The following EPS8 variants were observed in gnomAD, a reference collection of about 807,000 sequenced individuals.
The protein encoded by EPS8 is EGFR pathway substrate 8, signaling adaptor.
A neutral mutation model predicts 103.8 loss-of-function variants in EPS8; 42 were observed. The observed-to-expected ratio is 0.40, with a 90% CI of 0.32 to 0.52. The LOEUF is 0.52. Among genes scored for constraint, EPS8 ranks in the 20% least tolerant of loss-of-function variants. The pLI is 0.40. For missense variants in EPS8, 969 were observed against 1,005.1 expected (o/e 0.96, Z 0.49); for synonymous variants, 344 against 344.6 (o/e 1.00, Z 0.02).
chr12:15,739,608 AC>A lies in EPS8; in HGVS notation c.-22+49552del, dbSNP rs112055560. On this transcript the variant is annotated intron_variant, in intron 1 of 20. Transcript: ENST00000281172. ...GAACTCCAGGGTCTCTGGTTTTTGGACCCTGAGACTCACACCTGCAGCTCCT... is the reference window on the plus strand; with the variant it reads ...GAACTCCAGGGTCTCTGGTTTTTGGACCTGAGACTCACACCTGCAGCTCCT... Among the ~76,000 whole-genome samples the A allele has an allele frequency of 1.7e-3, 259 of 152,024 alleles. 3 individuals carry two copies. Among genetic ancestry groups the A allele is most frequent in the African/African-American group, 4.6e-3 (190 of 41,468 alleles).
Position 15,713,142 on chromosome 12 carries a change from T to C in EPS8, c.-21-30170A>G, listed in dbSNP as rs1946489590. On this transcript the variant is annotated intron_variant, in intron 1 of 20. Transcript: ENST00000281172. This position sits in a 1 kb window ranked among gnomAD's most constrained non-coding sequence, Gnocchi z 4.8. ...TTTAAGTTTTAAATGGTGAAAATAA[T>C]ACTGGCTAGCATTGACTGAAAGCTT... is the stretch of plus-strand genomic sequence containing the variant. 8.0e-6 allele frequency: 2 copies of C among 249,542 alleles called. No individual in the cohort carries two copies. Among genetic ancestry groups the C allele is most frequent in the Admixed American group, 1.3e-4 (2 of 15,374 alleles). 15.5% of individuals were successfully genotyped at this position (249,542 alleles called of 1,614,324 possible). A position where few individuals can be genotyped will look rare whatever the true frequency, so the allele number is the denominator to read the frequency against.
chr12:15,653,507 C>T (rs1255722044), intron 13 of EPS8, among the ~76,000 whole-genome samples: 1 of 152,196 alleles, frequency 6.6e-6, no homozygotes, highest in Non-Finnish European at 1.5e-5. Context: ...ATCCTTTCTT[C>T]TCTTGACTAC....
chr12:15,656,642 G>A (rs1486324719), intron 12 of EPS8, among the ~76,000 whole-genome samples: 2 of 151,894 alleles, frequency 1.3e-5, no homozygotes, highest in Non-Finnish European at 2.9e-5. Context: ...TCCTAACATC[G>A]AATGCCCAGG....
chr12:15,671,394 T>C (rs905108726), intron 3 of EPS8, among the ~76,000 whole-genome samples: 2 of 152,116 alleles, frequency 1.3e-5, no homozygotes, highest in Non-Finnish European at 2.9e-5. Context: ...CCTTTTGCAA[T>C]ATCCAAATTG....
Position 15,735,020 on chromosome 12 carries a change from G to A in EPS8, c.-21-52048C>T, listed in dbSNP as rs184387251. Among the ~76,000 whole-genome samples the A allele has an allele frequency of 5.5e-3, 838 of 152,022 alleles. 11 individuals are homozygous for A. The highest frequency in any genetic ancestry group is 5.5e-3 in the Non-Finnish European group (373 of 68,006). The stretch of plus-strand genomic sequence containing the variant: ...AGCCCAGGTATTGACAGGGAGCTCC[G>A]AATGCCTAGCCTGGAACCCTCACCA... On this transcript the variant is annotated intron_variant, in intron 1 of 20. Transcript: ENST00000281172. The surrounding 1 kb of genome is among the most constrained non-coding windows in gnomAD (Gnocchi z 4.4).
intron 12 of EPS8, among the ~76,000 whole-genome samples, chr12:15,655,485 A>G (rs1211633827): frequency 6.6e-6 from 1 of 152,224 alleles, no homozygotes; most frequent in Non-Finnish European, 1.5e-5. Context: ...CAGATGATAC[A>G]GTGGTACTGG....
Position 15,682,914 on chromosome 12 carries a change from C to T in EPS8, c.38G>A (p.Gly13Glu). The change falls in exon 2 of 21, where the codon GGA becomes GAA. Residue 13 changes from glycine to glutamate, a missense_variant. By Grantham distance (98) the Gly-to-Glu change is moderately conservative (BLOSUM62 -2). Coordinates refer to ENST00000281172, the MANE Select transcript of EPS8 (RefSeq NM_004447.6). The part of the protein sequence containing the change: ...GHISNHPSSF[G>E]MYPSQMNGYG... ...TTACTTCATCTGAGATGGGTACATT[C>T]CAAAACTACTGGGATGATTAGAAAT... 1 of 1,581,408 alleles carries T rather than the reference C, an allele frequency of 6.3e-7. No individual in the cohort carries two copies. Among genetic ancestry groups the T allele is most frequent in the Non-Finnish European group, 8.6e-7 (1 of 1,158,592 alleles).
chr12:15,756,188 G>A (rs1946984581), intron 1 of EPS8, among the ~76,000 whole-genome samples: 1 of 152,172 alleles, frequency 6.6e-6, no homozygotes, highest in South Asian at 2.1e-4. Context: ...CAAGTAACAG[G>A]TGAAACTGTA....
intron 1 of EPS8, among the ~76,000 whole-genome samples, chr12:15,750,069 T>C (rs16911228): frequency 0.022 from 3,299 of 152,194 alleles, 125 homozygotes; most frequent in African/African-American, 0.075. Context: ...GGTGCTTGGA[T>C]GAAGATAAGA....
intron 1 of EPS8, among the ~76,000 whole-genome samples, chr12:15,770,652 G>C (rs534260173): frequency 6.6e-6 from 1 of 152,144 alleles, no homozygotes; most frequent in Non-Finnish European, 1.5e-5. Context: ...ATGTTAAAGA[G>C]CATAATCATA....
At chr12:15,625,555 C>G (rs1944931044) in intron 18 of EPS8, among the ~76,000 whole-genome samples, 1 of 152,034 alleles carries the variant, frequency 6.6e-6, no homozygotes, top group Non-Finnish European at 1.5e-5. Flanking sequence ...TTTGCTTTTC[C>G]CCCCATCTCT....
chr12:15,745,222 G>A lies in EPS8; in HGVS notation c.-22+43939C>T, dbSNP rs146269955. ...AACTCTACCTGTTTCAAAGAAATGA[G>A]TATAAAAGAACACTTTACAACCTAA... On this transcript the variant is annotated intron_variant, in intron 1 of 20. Transcript: ENST00000281172. The surrounding 1 kb of genome is among the most constrained non-coding windows in gnomAD (Gnocchi z 4.6). Among the ~76,000 whole-genome samples the A allele has an allele frequency of 6.6e-6, 1 of 152,222 alleles. No homozygotes were observed. Among genetic ancestry groups the A allele is most frequent in the Admixed American group, 6.5e-5 (1 of 15,282 alleles).
At chr12:15,629,677 A>C (rs1565466806) in intron 18 of EPS8, among the ~76,000 whole-genome samples, 2 of 152,172 alleles carry the variant, frequency 1.3e-5, no homozygotes, top group Admixed American at 6.5e-5. Flanking sequence ...TTTTTCCTTT[A>C]GTTTCCTGGC....
rs761136118 is a variant in EPS8 at position 15,688,881 on chromosome 12, A to T, written c.-21-5909T>A. Reference sequence around the variant, plus strand: ...TGTCTATAGACAGCAAAACTAAAAGAGCACCCTGTAACACTCGCCCACGGG... The same window carrying T: ...TGTCTATAGACAGCAAAACTAAAAGTGCACCCTGTAACACTCGCCCACGGG... On this transcript the variant is annotated intron_variant, in intron 1 of 20. Coordinates refer to ENST00000281172, the MANE Select transcript of EPS8 (RefSeq NM_004447.6). The surrounding 1 kb of genome is among the most constrained non-coding windows in gnomAD (Gnocchi z 5.1). Among the ~76,000 whole-genome samples, 19 of 152,176 alleles carry T rather than the reference A, an allele frequency of 1.2e-4. No homozygotes were observed. The highest frequency in any genetic ancestry group is 2.8e-4 in the Non-Finnish European group (19 of 68,024).
In EPS8 at chr12:15,647,215, T is replaced by A; in HGVS notation, c.1480A>T (p.Ser494Cys). 1 of 1,613,878 alleles carries A rather than the reference T, an allele frequency of 6.2e-7. No homozygotes were observed. The change falls in exon 15 of 21, where the codon AGT becomes TGT. Residue 494 changes from serine to cysteine, a missense_variant. By Grantham distance (112) the Ser-to-Cys change is moderately radical. Transcript: ENST00000281172. The stretch of plus-strand genomic sequence containing the variant: ...GATCCTCTTGTGTAAATGTTGCTAC[T>A]GAACGCATAGCCATCGGCTGGATGA... ...EYHPADGYAF[S>C]SNIYTRGSHL...
rs977468938 is a variant in EPS8 at position 15,702,751 on chromosome 12, T to C, written c.-21-19779A>G. Reference sequence around the variant, plus strand: ...ATATTTTACCTATATCCAATACATATATATCCAGTATATTAATAATAGTGA... The same window carrying C: ...ATATTTTACCTATATCCAATACATACATATCCAGTATATTAATAATAGTGA... On this transcript the variant is annotated intron_variant, in intron 1 of 20. Transcript: ENST00000281172. This position sits in a 1 kb window ranked among gnomAD's most constrained non-coding sequence, Gnocchi z 5.1. Among the ~76,000 whole-genome samples, 3 of 152,198 alleles carry C rather than the reference T, an allele frequency of 2.0e-5. No homozygotes were observed. Among genetic ancestry groups the C allele is most frequent in the Non-Finnish European group, 2.9e-5 (2 of 68,046 alleles).
Position 15,771,715 on chromosome 12 carries a change from TAAAA to T in EPS8, c.-22+17442_-22+17445del, listed in dbSNP as rs373344352. Among the ~76,000 whole-genome samples, 3 of 143,764 alleles carry T rather than the reference TAAAA, an allele frequency of 2.1e-5. No homozygotes were observed. Among genetic ancestry groups the T allele is most frequent in the African/African-American group, 7.7e-5 (3 of 39,178 alleles). The allele number at this position is 143,764 out of a possible 152,430, so 94.3% of individuals were successfully genotyped here. A position where few individuals can be genotyped will look rare whatever the true frequency, so the allele number is the denominator to read the frequency against. The stretch of plus-strand genomic sequence containing the variant: ...TGGGTAACAGAACAAGACTGTCTCT[TAAAA>T]AAAAAAAGAAAAGAAAAAGAAAAGA... On this transcript the variant is annotated intron_variant, in intron 1 of 20. Coordinates refer to ENST00000281172, the MANE Select transcript of EPS8 (RefSeq NM_004447.6). This position sits in a 1 kb window ranked among gnomAD's most constrained non-coding sequence, Gnocchi z 4.6.
In EPS8 at chr12:15,733,356, A is replaced by G. The variant is rs1313522673; in HGVS notation, c.-21-50384T>C. 1.3e-5 allele frequency among the ~76,000 whole-genome samples: 2 copies of G among 152,154 alleles called. No individual in the cohort carries two copies. The highest frequency in any genetic ancestry group is 1.5e-5 in the Non-Finnish European group (1 of 68,032). Reference sequence around the variant, plus strand: ...CAGATCTCATGAGAACTCACTCTCTATCGTGAGAACAGCATGGGGAAAACC... The same window carrying G: ...CAGATCTCATGAGAACTCACTCTCTGTCGTGAGAACAGCATGGGGAAAACC... On this transcript the variant is annotated intron_variant, in intron 1 of 20. Transcript: ENST00000281172. The surrounding 1 kb of genome is among the most constrained non-coding windows in gnomAD (Gnocchi z 4.8).
intron 17 of EPS8, among the ~76,000 whole-genome samples, chr12:15,639,050 C>T (rs1013883380): frequency 3.9e-5 from 6 of 152,174 alleles, no homozygotes; most frequent in Non-Finnish European, 7.3e-5. Flanking sequence ...CTAGCAACCA[C>T]ACACACAAAT....
Sources: gnomAD v4.1 joint callset for allele counts (sites outside exome capture counted in the v4.1 genomes callset) on GRCh38, gnomAD v4.1.1 for gene constraint, Gnocchi (gnomAD v3.1) non-coding constraint, MANE v1.5 for transcripts, NCBI Gene and HGNC (gene_info 2026-07-23, HGNC 2026-07-21) for gene names.